ROBO2: variants seen among roughly 807,000 people sequenced by gnomAD.
The protein encoded by ROBO2 is roundabout guidance receptor 2.
ROBO2 carries 53 observed loss-of-function variants against 160.8 expected under a neutral mutation model. The observed-to-expected ratio is 0.33, with a 90% confidence interval of 0.26 to 0.41. The LOEUF (loss-of-function observed/expected upper bound fraction) is 0.41. ROBO2 is among the 10% of genes least tolerant of loss of function. The pLI is 1.00. For missense variants in ROBO2, 1,577 were observed against 1,722.4 expected (o/e 0.92, Z 1.49); for synonymous variants, 664 against 611.7 (o/e 1.09, Z -1.26).
At chr3:76,141,159 C>CTCTATATATATATATA (rs1364431015) in intron 2 of ROBO2, among the ~76,000 whole-genome samples, 6 of 9,166 alleles carry the variant, frequency 6.5e-4, no homozygotes, top group African/African-American at 1.3e-3. Context: ...CTCTCTCTCT[C>CTCTATATATATATATA]TATATATATA....
chr3:76,193,729 T>C (rs1218218150), intron 2 of ROBO2, among the ~76,000 whole-genome samples: 2 of 152,220 alleles, frequency 1.3e-5, no homozygotes, highest in Admixed American at 1.3e-4. Flanking sequence ...ATGGGAAATA[T>C]CTTCCTAGAA....
chr3:76,252,324 G>A (rs965974709), intron 2 of ROBO2, among the ~76,000 whole-genome samples: 4 of 151,974 alleles, frequency 2.6e-5, no homozygotes, highest in Admixed American at 6.6e-5. Context: ...CGTAATTGGT[G>A]CTATTCAATG....
At chr3:76,805,893 T>G (rs1028410896) in intron 2 of ROBO2, among the ~76,000 whole-genome samples, 4 of 152,066 alleles carry the variant, frequency 2.6e-5, no homozygotes, top group Admixed American at 2.0e-4. Context: ...AGAGCCCCAG[T>G]TGCTCTCTTG....
At chr3:76,311,909 T>C (rs1257136025) in intron 2 of ROBO2, among the ~76,000 whole-genome samples, 3 of 152,210 alleles carry the variant, frequency 2.0e-5, no homozygotes, top group Non-Finnish European at 2.9e-5. Flanking sequence ...ATTAACTTTA[T>C]TGGAAAAAAA....
chr3:76,878,511 T>G (rs2073006791), intron 2 of ROBO2, among the ~76,000 whole-genome samples: 1 of 152,220 alleles, frequency 6.6e-6, no homozygotes, highest in African/African-American at 2.4e-5. Context: ...AAATATGATC[T>G]GATCATTGTT....
chr3:76,903,712 A>G (rs1192645117), intron 2 of ROBO2, among the ~76,000 whole-genome samples: 3 of 152,154 alleles, frequency 2.0e-5, no homozygotes, highest in African/African-American at 4.8e-5. Context: ...GGGAAATCAA[A>G]TCATTTACAT....
intron 2 of ROBO2, among the ~76,000 whole-genome samples, chr3:76,092,042 A>C (rs562466771): frequency 6.6e-6 from 1 of 152,182 alleles, no homozygotes; most frequent in African/African-American, 2.4e-5. Context: ...TAGAATGTAC[A>C]GCATCTAGAG....
intron 2 of ROBO2, among the ~76,000 whole-genome samples, chr3:76,112,706 C>CAA (rs35905070): frequency 0.52 from 78,141 of 151,490 alleles, 21,876 homozygotes; most frequent in African/African-American, 0.74. Context: ...AGCCCAGAAG[C>CAA]AAGAGATCAT....
At chr3:77,110,524 A>G (rs1250105555) in intron 2 of ROBO2, among the ~76,000 whole-genome samples, 1 of 151,744 alleles carries the variant, frequency 6.6e-6, no homozygotes, top group Non-Finnish European at 1.5e-5. Flanking sequence ...ATGATGCTGA[A>G]TTAAATATCC....
At chr3:76,094,270 C>G (rs2069351696) in intron 2 of ROBO2, among the ~76,000 whole-genome samples, 1 of 152,130 alleles carries the variant, frequency 6.6e-6, no homozygotes, top group Admixed American at 6.5e-5. Flanking sequence ...CATCCAGTGA[C>G]CAGATGGATG....
intron 2 of ROBO2, among the ~76,000 whole-genome samples, chr3:77,344,350 G>A (rs1455155511): frequency 4.6e-5 from 7 of 152,210 alleles, no homozygotes; most frequent in Non-Finnish European, 1.0e-4. Context: ...GAACATTTGT[G>A]TCCCACAAAA....
chr3:76,745,990 C>A (rs1192956271), intron 2 of ROBO2, among the ~76,000 whole-genome samples: 6 of 123,006 alleles, frequency 4.9e-5, no homozygotes, highest in South Asian at 2.9e-4. Context: ...CTCCTTCCCC[C>A]ACCCCAAAAC....
At chr3:77,112,285 C>G (rs1459426511) in intron 2 of ROBO2, among the ~76,000 whole-genome samples, 1 of 151,360 alleles carries the variant, frequency 6.6e-6, no homozygotes, top group Non-Finnish European at 1.5e-5. Context: ...GCCTTGTCGC[C>G]CAGGCTGGAG....
chr3:76,328,426 T>C (rs2073194990), intron 2 of ROBO2, among the ~76,000 whole-genome samples: 2 of 152,200 alleles, frequency 1.3e-5, no homozygotes, highest in African/African-American at 4.8e-5. Context: ...TCAAAATTTG[T>C]CCATTAATTT....
chr3:77,198,417 T>C (rs2082506628), intron 2 of ROBO2, among the ~76,000 whole-genome samples: 1 of 152,176 alleles, frequency 6.6e-6, no homozygotes, highest in Admixed American at 6.5e-5. Flanking sequence ...GAAAAAGCAG[T>C]TGGCTGATTT....
intron 2 of ROBO2, among the ~76,000 whole-genome samples, chr3:77,426,540 G>A (rs1430710696): frequency 1.3e-5 from 2 of 151,892 alleles, no homozygotes; most frequent in African/African-American, 2.4e-5. Flanking sequence ...TGATCATAAA[G>A]GGGGAAACCC....
At chr3:76,455,193 C>T (rs930923570) in intron 2 of ROBO2, among the ~76,000 whole-genome samples, 2 of 152,172 alleles carry the variant, frequency 1.3e-5, no homozygotes, top group African/African-American at 4.8e-5. Context: ...ATGTCTTAGA[C>T]ATTTAGTGCT....
chr3:76,926,827 G>C (rs890719150), intron 2 of ROBO2, among the ~76,000 whole-genome samples: 1 of 151,630 alleles, frequency 6.6e-6, no homozygotes, highest in Non-Finnish European at 1.5e-5. Flanking sequence ...ACTCTAGCTC[G>C]CAGAATCTAG....
At chr3:76,981,570 G>A (rs2060099319) in intron 2 of ROBO2, among the ~76,000 whole-genome samples, 1 of 152,082 alleles carries the variant, frequency 6.6e-6, no homozygotes, top group Admixed American at 6.6e-5. Context: ...TAAGTTATCA[G>A]ATTTGCAATA....
Sources: allele counts gnomAD v4.1 joint callset (sites outside exome capture counted in the v4.1 genomes callset), GRCh38; gene constraint gnomAD v4.1.1; transcripts MANE v1.5; gene names NCBI Gene and HGNC (gene_info 2026-07-23, HGNC 2026-07-21).